PSEN1: variants seen among roughly 807,000 people sequenced by gnomAD.
PSEN1 encodes the protein presenilin-1.
In PSEN1, 15 loss-of-function variants were observed where a neutral mutation model predicts 53.5. That is an observed-to-expected ratio of 0.28 (90% CI 0.19 to 0.43). PSEN1 has a LOEUF of 0.43. PSEN1 is among the 20% of genes least tolerant of loss of function. PSEN1 has a pLI of 1.00. For synonymous variants in PSEN1, 208 were observed against 209.8 expected (o/e 0.99, Z 0.08); for missense variants, 387 against 571.2 (o/e 0.68, Z 3.29).
chr14:73,203,206 G>A (rs961711843), intron 8 of PSEN1, among the ~76,000 whole-genome samples: 3 of 152,140 alleles, frequency 2.0e-5, no homozygotes, highest in African/African-American at 7.2e-5. Context: ...GGCCTCCTGA[G>A]TAGCTGGGAT....
chr14:73,158,170 G>A (rs535883087), intron 3 of PSEN1, among the ~76,000 whole-genome samples: 43 of 152,094 alleles, frequency 2.8e-4, no homozygotes, highest in Admixed American at 9.2e-4. Context: ...TGGCTGTTAC[G>A]GATATTCATG....
chr14:73,203,783 AAC>A (rs1899329302), intron 8 of PSEN1, among the ~76,000 whole-genome samples: 1 of 152,190 alleles, frequency 6.6e-6, no homozygotes, highest in Non-Finnish European at 1.5e-5. Context: ...AAGGGAAACT[AAC>A]AATTCCTTGA....
intron 5 of PSEN1, among the ~76,000 whole-genome samples, chr14:73,175,495 A>G (rs1011542174): frequency 1.3e-5 from 2 of 152,120 alleles, no homozygotes; most frequent in African/African-American, 2.4e-5. Flanking sequence ...AAAAAAAATT[A>G]ACTTTCCAAA....
chr14:73,197,018 C>T (rs374155429), intron 7 of PSEN1, among the ~76,000 whole-genome samples: 5 of 150,994 alleles, frequency 3.3e-5, no homozygotes, highest in African/African-American at 7.3e-5. Flanking sequence ...CTGCAAGCTC[C>T]GCTTCCCGGG....
chr14:73,195,921 C>T (rs214260), intron 7 of PSEN1, among the ~76,000 whole-genome samples: 31,487 of 152,100 alleles, frequency 0.21, 3,527 homozygotes, highest in African/African-American at 0.29. Context: ...TTGCCTAAGC[C>T]TAAACTCTGA....
intron 5 of PSEN1, among the ~76,000 whole-genome samples, chr14:73,183,582 C>T (rs1202853852): frequency 6.6e-6 from 1 of 152,142 alleles, no homozygotes; most frequent in African/African-American, 2.4e-5. Flanking sequence ...TGAGTGGACA[C>T]AGCACATGTT....
chr14:73,170,711 G>C, intron 3 of PSEN1, 86 bp from the exon 4 acceptor site: 1 of 1,398,658 alleles, frequency 7.1e-7, no homozygotes. Flanking sequence ...TCATAGTGAC[G>C]GGTCTGTTGT....
chr14:73,151,895 T>TATATATATATATATATA (rs1491464395), intron 3 of PSEN1, among the ~76,000 whole-genome samples: 9 of 10,954 alleles, frequency 8.2e-4, no homozygotes, highest in African/African-American at 6.2e-3. Context: ...TATATATATA[T>TATATATATATATATATA]TTTTTTTTTT....
chr14:73,141,352 C>A (rs1304093861), intron 1 of PSEN1, among the ~76,000 whole-genome samples: 9 of 152,096 alleles, frequency 5.9e-5, no homozygotes, highest in Admixed American at 5.9e-4. Context: ...TGTATCACTA[C>A]CCTTGCTCTT....
At chr14:73,197,136 T>C (rs1249902360) in intron 7 of PSEN1, among the ~76,000 whole-genome samples, 1 of 152,144 alleles carries the variant, frequency 6.6e-6, no homozygotes, top group Non-Finnish European at 1.5e-5. Flanking sequence ...GGTTTCACCG[T>C]GTTAGCCAGG....
At chr14:73,136,842 C>T (rs1222518754) in intron 1 of PSEN1, 1 of 152,850 alleles carries the variant, frequency 6.5e-6, no homozygotes, top group Non-Finnish European at 1.5e-5. Context: ...TCGAAGACGT[C>T]TCAGGGCGCA....
At chr14:73,157,419 G>A (rs1427938406) in intron 3 of PSEN1, among the ~76,000 whole-genome samples, 4 of 151,978 alleles carry the variant, frequency 2.6e-5, no homozygotes, top group African/African-American at 9.7e-5. Context: ...GATTACAGGC[G>A]TGAGTCACCA....
At chr14:73,138,927 A>C (rs2140487366) in intron 1 of PSEN1, among the ~76,000 whole-genome samples, 1 of 149,802 alleles carries the variant, frequency 6.7e-6, no homozygotes, top group Non-Finnish European at 1.5e-5. Flanking sequence ...AGATCGCGCC[A>C]CTGCACTCCA....
intron 7 of PSEN1, among the ~76,000 whole-genome samples, chr14:73,194,433 A>C (rs564840699): frequency 3.2e-4 from 49 of 151,864 alleles, no homozygotes; most frequent in Non-Finnish European, 4.9e-4. Flanking sequence ...TTTAAAAAAA[A>C]ATTTTTTTTC....
At position 73,143,957 on chromosome 14, in the gene PSEN1, A is replaced by T. The variant is rs1390242925; in HGVS notation, c.-135-3838A>T. Among the ~76,000 whole-genome samples, 9 of 128,898 alleles carry T rather than the reference A, an allele frequency of 7.0e-5. No homozygotes were observed. In the Admixed American group the frequency reaches 7.2e-4, roughly 10 times the overall value. 84.6% of individuals were successfully genotyped at this position (128,898 alleles called of 152,430 possible). On this transcript the variant is annotated intron_variant, in intron 1 of 11. Transcript: ENST00000324501. ...TGAGCTATGATTGCCACTGTACTCC[A>T]GCCTGGGTGACAGAGTGAGACCTTG... is the stretch of plus-strand genomic sequence containing the variant.
In PSEN1 at chr14:73,219,997, AC is replaced by A. The variant is rs1900082228; in HGVS notation, c.*710del. ...CCATTTCTTCCCAAGGCCAGTCTGA[AC>A]CTGAGGTTGCTTTATCCTAAAAGTT... is the stretch of plus-strand genomic sequence containing the variant. On this transcript the variant is annotated 3_prime_UTR_variant, in exon 12 of 12. Transcript: ENST00000324501. The A allele has an allele frequency of 6.6e-6, 1 of 152,386 alleles. No homozygotes were observed. The highest frequency in any genetic ancestry group is 1.9e-4 in the East Asian group (1 of 5,202). The allele number at this position is 152,386 out of a possible 1,614,324, so 9.4% of individuals were successfully genotyped here.
chr14:73,156,792 A>G (rs1432458236), intron 3 of PSEN1, among the ~76,000 whole-genome samples: 2 of 151,776 alleles, frequency 1.3e-5, no homozygotes, highest in East Asian at 3.9e-4. Flanking sequence ...CCTCCAGAGT[A>G]GCTGCGACTA....
chr14:73,219,352 C>A lies in PSEN1; in HGVS notation c.*63C>A. On this transcript the variant is annotated 3_prime_UTR_variant, in exon 12 of 12. Transcript: ENST00000324501. Reference sequence around the variant, plus strand: ...TGACTATAACAAAATCTGGGGAGGACAAAGGTGATTTTCCTGTGTCCACAT... The same window carrying A: ...TGACTATAACAAAATCTGGGGAGGAAAAAGGTGATTTTCCTGTGTCCACAT... 1 of 1,521,918 alleles carries A rather than the reference C, an allele frequency of 6.6e-7. No individual in the cohort carries two copies. The highest frequency in any genetic ancestry group is 9.1e-7 in the Non-Finnish European group (1 of 1,100,834). 94.3% of individuals were successfully genotyped at this position (1,521,918 alleles called of 1,614,324 possible). A position where few individuals can be genotyped will look rare whatever the true frequency, so the allele number is the denominator to read the frequency against.
intron 10 of PSEN1, among the ~76,000 whole-genome samples, chr14:73,215,780 GA>G (rs2140142680): frequency 6.6e-6 from 1 of 152,298 alleles, no homozygotes; most frequent in African/African-American, 2.4e-5. Context: ...TGGCTAGAAT[GA>G]AAAAGGCTAA....
Sources: allele counts gnomAD v4.1 joint callset (sites outside exome capture counted in the v4.1 genomes callset), GRCh38; gene constraint gnomAD v4.1.1; transcripts MANE v1.5; gene names NCBI Gene and HGNC (gene_info 2026-07-23, HGNC 2026-07-21).